FSTL4: variants seen among roughly 807,000 people sequenced by gnomAD.
FSTL4 encodes the protein follistatin-related protein 4.
In FSTL4, 28 loss-of-function variants were observed where a neutral mutation model predicts 78.2. The observed-to-expected ratio is 0.36, with a 90% CI of 0.27 to 0.49. The LOEUF is 0.49. Among genes scored for constraint, FSTL4 ranks in the 20% least tolerant of loss-of-function variants. The pLI, the probability that FSTL4 is intolerant of heterozygous loss-of-function variation, is 0.98. For synonymous variants in FSTL4, 422 were observed against 440.5 expected, an observed-to-expected ratio of 0.96 and a Z score of 0.53; for missense variants, 922 against 1,084.9, an observed-to-expected ratio of 0.85 and a Z score of 2.11.
At chr5:133,484,315 C>T (rs894874137) in intron 3 of FSTL4, among the ~76,000 whole-genome samples, 2 of 152,166 alleles carry the variant, frequency 1.3e-5, no homozygotes, top group African/African-American at 2.4e-5. Context: ...AGAACTTTGA[C>T]GATGACACTG....
intron 4 of FSTL4, among the ~76,000 whole-genome samples, chr5:133,317,310 G>GGGATGCATTGCAGCATGGCACAGTTT (rs1262893633): frequency 5.3e-5 from 8 of 152,248 alleles, no homozygotes; most frequent in Admixed American, 2.0e-4. Flanking sequence ...AGTAAAGCCT[G>GGGATGCATTGCAGCATGGCACAGTTT]GGATGCATTG....
At chr5:133,545,116 G>A (rs1759549374) in intron 3 of FSTL4, among the ~76,000 whole-genome samples, 1 of 152,144 alleles carries the variant, frequency 6.6e-6, no homozygotes, top group Admixed American at 6.5e-5. Context: ...TCAGGACAGG[G>A]GCTGGTCACC....
At chr5:133,745,474 T>G in the FSTL4 span, among the ~76,000 whole-genome samples, 2 of 152,162 alleles carry the variant, frequency 1.3e-5, no homozygotes, top group Non-Finnish European at 2.9e-5. Flanking sequence ...AATCCACACA[T>G]AGTGTATATA....
At chr5:133,427,253 C>T (rs953341892) in intron 3 of FSTL4, among the ~76,000 whole-genome samples, 1 of 152,200 alleles carries the variant, frequency 6.6e-6, no homozygotes, top group Non-Finnish European at 1.5e-5. Context: ...TGTGCAATGC[C>T]CAGCACAGTG....
At chr5:133,724,743 G>T in the FSTL4 span, among the ~76,000 whole-genome samples, 1 of 152,052 alleles carries the variant, frequency 6.6e-6, no homozygotes, top group Non-Finnish European at 1.5e-5. Flanking sequence ...ATTAGTTTTA[G>T]TTTTATCATT....
At chr5:133,271,707 G>A (rs572228745) in intron 6 of FSTL4, among the ~76,000 whole-genome samples, 40 of 152,326 alleles carry the variant, frequency 2.6e-4, no homozygotes, top group Middle Eastern at 6.8e-3. Context: ...AGCCTAAGTC[G>A]TAACCTGAAT....
the FSTL4 span, among the ~76,000 whole-genome samples, chr5:133,643,476 C>T: frequency 5.9e-5 from 9 of 152,096 alleles, no homozygotes; most frequent in Non-Finnish European, 1.2e-4. Flanking sequence ...CTTTGTCCTC[C>T]TCCAAACTTC....
intron 1 of FSTL4, among the ~76,000 whole-genome samples, chr5:133,606,320 A>G (rs1050030639): frequency 6.6e-6 from 1 of 152,012 alleles, no homozygotes; most frequent in Non-Finnish European, 1.5e-5. Flanking sequence ...GGGTTTCTCC[A>G]TGTTGGTCAG....
At chr5:133,341,295 A>C (rs1561679261) in intron 4 of FSTL4, among the ~76,000 whole-genome samples, 1 of 151,694 alleles carries the variant, frequency 6.6e-6, no homozygotes, top group African/African-American at 2.4e-5. Flanking sequence ...CAAACATAAA[A>C]AATATGTGCA....
intron 7 of FSTL4, among the ~76,000 whole-genome samples, chr5:133,238,989 G>A (rs1751746677): frequency 6.6e-6 from 1 of 152,222 alleles, no homozygotes; most frequent in Non-Finnish European, 1.5e-5. Context: ...GGGAGGTGTG[G>A]AGAGGCGCGG....
intron 3 of FSTL4, among the ~76,000 whole-genome samples, chr5:133,441,278 G>A (rs989882837): frequency 5.3e-5 from 8 of 152,120 alleles, no homozygotes; most frequent in African/African-American, 1.9e-4. Flanking sequence ...CTTGCTCATT[G>A]TTGGTTGAAG....
At chr5:133,744,498 G>A in the FSTL4 span, among the ~76,000 whole-genome samples, 1 of 152,182 alleles carries the variant, frequency 6.6e-6, no homozygotes, top group South Asian at 2.1e-4. Context: ...TCCCTTTGTA[G>A]GTCCTGCCCT....
intron 6 of FSTL4, among the ~76,000 whole-genome samples, chr5:133,255,442 T>A (rs964187351): frequency 6.6e-6 from 1 of 152,160 alleles, no homozygotes; most frequent in Non-Finnish European, 1.5e-5. Context: ...CCCCCTGGGA[T>A]GAAAACAAAT....
chr5:133,832,998 A>C, the FSTL4 span, among the ~76,000 whole-genome samples: 1 of 152,326 alleles, frequency 6.6e-6, no homozygotes, highest in Admixed American at 6.5e-5. Flanking sequence ...TTTAAAAAAA[A>C]CCCTTATAGA....
chr5:133,465,614 C>T (rs569015438), intron 3 of FSTL4, among the ~76,000 whole-genome samples: 1 of 152,128 alleles, frequency 6.6e-6, no homozygotes, highest in East Asian at 1.9e-4. Flanking sequence ...GGTGGGGAGG[C>T]CACTCCCCAC....
chr5:133,553,104 T>C (rs888576187), intron 3 of FSTL4, among the ~76,000 whole-genome samples: 28 of 152,118 alleles, frequency 1.8e-4, no homozygotes, highest in Admixed American at 1.6e-3. Context: ...ACTCTCCCTC[T>C]GACCTCCAGG....
chr5:133,604,547 A>C (rs1760935694), intron 1 of FSTL4, among the ~76,000 whole-genome samples: 1 of 152,148 alleles, frequency 6.6e-6, no homozygotes, highest in East Asian at 1.9e-4. Flanking sequence ...GGTCTCTACT[A>C]AACATACAAA....
intron 4 of FSTL4, among the ~76,000 whole-genome samples, chr5:133,400,458 T>C (rs1756193556): frequency 6.6e-6 from 1 of 152,204 alleles, no homozygotes; most frequent in Non-Finnish European, 1.5e-5. Flanking sequence ...TAGTGCCCTG[T>C]TGCCTGGTCC....
the FSTL4 span, among the ~76,000 whole-genome samples, chr5:133,706,866 C>T: frequency 2.4e-4 from 37 of 152,240 alleles, no homozygotes; most frequent in African/African-American, 8.7e-4. Context: ...GCAGTGCAGA[C>T]GGGCCCCACC....
Sources: gnomAD v4.1 joint callset for allele counts (sites outside exome capture counted in the v4.1 genomes callset) on GRCh38, gnomAD v4.1.1 for gene constraint, MANE v1.5 for transcripts, NCBI Gene and HGNC (gene_info 2026-07-23, HGNC 2026-07-21) for gene names.